Variants in ROBO4 observed in about 807,000 individuals in gnomAD.
ROBO4 encodes the protein roundabout guidance receptor 4, also known as roundabout homolog 4.
In ROBO4, 80 loss-of-function variants were observed where a neutral mutation model predicts 103.3. The observed-to-expected ratio is 0.77, with a 90% CI of 0.65 to 0.93. The LOEUF (loss-of-function observed/expected upper bound fraction) is 0.93, where lower values mean the gene tolerates loss of function less well. Among genes scored for constraint, ROBO4 ranks in the 40% least tolerant of loss-of-function variants. ROBO4 has a pLI of 0.00. For missense variants in ROBO4, 1,333 were observed against 1,305.3 expected, an observed-to-expected ratio of 1.02 and a Z score of -0.33; for synonymous variants, 504 against 529.7, an observed-to-expected ratio of 0.95 and a Z score of 0.67.
At chr11:124,885,309 G>A (rs1019238059) in intron 16 of ROBO4, 62 bp from the exon 17 acceptor site, 3 of 1,429,006 alleles carry the variant, frequency 2.1e-6, no homozygotes, top group Non-Finnish European at 2.9e-6. Context: ...GGCCAGTTTA[G>A]TACAGAAAGC....
In ROBO4 at chr11:124,887,050, C is replaced by G. The variant is rs1261153854; in HGVS notation, c.2362G>C (p.Asp788His). ...SSSSLSSLGE[D>H]QDSVLTPEEV... ...TCAGGGGTCAGCACGCTGTCTTGAT[C>G]CTCCCCCAGGGATGACAGTGAGGAG... The change falls in exon 15 of 18, where the codon GAT (aspartate) becomes CAT (histidine). Residue 788 changes from aspartate (D) to histidine (H), a missense_variant. By Grantham distance (81) the Asp-to-His change is moderately conservative (BLOSUM62 -1). Transcript: ENST00000306534. 3 of 1,613,790 alleles carry G rather than the reference C, an allele frequency of 1.9e-6. No individual in the cohort carries two copies. Among genetic ancestry groups the G allele is most frequent in the Non-Finnish European group, 2.5e-6 (3 of 1,179,912 alleles).
At chr11:124,887,937 G>T (rs574752013) in intron 12 of ROBO4, 97 bp from the exon 13 acceptor site, 31 of 950,778 alleles carry the variant, frequency 3.3e-5, no homozygotes, top group Non-Finnish European at 3.9e-5. Context: ...CAGCCTGCAC[G>T]ACCCTGAACC....
At position 124,887,441 on chromosome 11, in the gene ROBO4, G is replaced by A; in HGVS notation, c.2115C>T (p.Ser705=). The stretch of plus-strand genomic sequence containing the variant: ...GATGACGAGTAACCAGCTCATTTGA[G>A]GAGCTGAGGAGTTTCGGTCCCAGGG... ...WRALGPKLLS[S]SNELVTRHLP... Residue 705 remains serine, a synonymous_variant, in exon 14 of 18, where the codon TCC becomes TCT. Coordinates refer to ENST00000306534, the MANE Select transcript of ROBO4 (RefSeq NM_019055.6). 1.9e-6 allele frequency: 3 copies of A among 1,614,040 alleles called. No homozygotes were observed. The highest frequency in any genetic ancestry group is 1.1e-5 in the South Asian group (1 of 91,086).
At position 124,886,409 on chromosome 11, in the gene ROBO4, T is replaced by C. The variant is rs772553672; in HGVS notation, c.2794+55A>G. 81 of 1,339,320 alleles carry C rather than the reference T, an allele frequency of 6.0e-5. 1 individual carries two copies. The highest frequency in any genetic ancestry group is 8.5e-5 in the Non-Finnish European group (81 of 955,998). 83.0% of individuals were successfully genotyped at this position (1,339,320 alleles called of 1,614,324 possible). A position where few individuals can be genotyped will look rare whatever the true frequency, so the allele number is the denominator to read the frequency against. Reference sequence around the variant, plus strand: ...TTTAACAATGATGACATGATAACAGTTGTTAGAAAGGCAAGGGGCATGAGT... The same window carrying C: ...TTTAACAATGATGACATGATAACAGCTGTTAGAAAGGCAAGGGGCATGAGT... On this transcript the variant is annotated intron_variant, in intron 16 of 17. Coordinates refer to ENST00000306534, the MANE Select transcript of ROBO4 (RefSeq NM_019055.6).
In ROBO4 at chr11:124,889,616, A is replaced by G. The variant is rs183177262; in HGVS notation, c.1948+1683T>C. Among the ~76,000 whole-genome samples, 343 of 152,328 alleles carry G rather than the reference A, an allele frequency of 2.3e-3. 1 individual carries two copies. Among genetic ancestry groups the G allele is most frequent in the African/African-American group, 7.9e-3 (330 of 41,570 alleles). On this transcript the variant is annotated intron_variant, in intron 12 of 17. Transcript: ENST00000306534. ...TTCAGTGCATATATCTGGCAAACTG[A>G]GCAGAACTAAGAACCTGCTATGATG...
chr11:124,892,400 G>A lies in ROBO4; in HGVS notation c.1548-598C>T, dbSNP rs376319363. ...ATGGCCCCTCATTTACCATGATAGA[G>A]CCCAGGTACCTAGCATGGCTAAGAG... On this transcript the variant is annotated intron_variant, in intron 10 of 17. Coordinates refer to ENST00000306534, the MANE Select transcript of ROBO4 (RefSeq NM_019055.6). 2.1e-5 allele frequency: 5 copies of A among 240,790 alleles called. No homozygotes were observed. The East Asian group carries it at 5.2e-4, about 25-fold the overall frequency. The allele number at this position is 240,790 out of a possible 1,614,324, so 14.9% of individuals were successfully genotyped here.
intron 16 of ROBO4, among the ~76,000 whole-genome samples, chr11:124,885,802 G>A (rs1946702172): frequency 6.6e-6 from 1 of 152,200 alleles, no homozygotes; most frequent in Admixed American, 6.5e-5. Context: ...GGGATTGGAA[G>A]AGGATGGAGC....
chr11:124,891,778 C>T lies in ROBO4; in HGVS notation c.1572G>A (p.Trp524Ter). 8 of 1,614,136 alleles carry T rather than the reference C, an allele frequency of 5.0e-6. No homozygotes were observed. Among genetic ancestry groups the T allele is most frequent in the Non-Finnish European group, 6.8e-6 (8 of 1,180,024 alleles). Residue 524 changes from tryptophan to a stop codon, truncating the protein, a stop_gained, in exon 11 of 18, where the codon TGG (tryptophan) becomes TGA (stop). Transcript: ENST00000306534. LOFTEE classifies it high-confidence loss of function. ...KHRMDHSDSQ[W>*]LADTWRSTSG... ...AGGTGGAACGCCAAGTGTCTGCCAACCACTGGGAGTCACTGTGATCCATCC... is the reference window on the plus strand; with the variant it reads ...AGGTGGAACGCCAAGTGTCTGCCAATCACTGGGAGTCACTGTGATCCATCC...
At chr11:124,894,973 C>T (rs539213676) in intron 7 of ROBO4, 108 bp downstream of exon 7, 1 of 856,810 alleles carries the variant, frequency 1.2e-6, no homozygotes, top group East Asian at 2.6e-5. Context: ...TCCTTTGCTT[C>T]TCTGCCCAGG....
chr11:124,892,273 G>T, intron 10 of ROBO4: 1 of 345,788 alleles, frequency 2.9e-6, no homozygotes, highest in South Asian at 2.3e-5. Flanking sequence ...TCACTCAGCT[G>T]GCAGAGCAGG....
rs777639467 is a variant in ROBO4 at position 124,893,889 on chromosome 11, C to T, written c.1475G>A (p.Arg492Gln). ...GCCCAGGTGCACCCTAGCTCGGCGC[C>T]GGCGGTGGATACACACGGCGGTGCC... The part of the protein sequence containing the change: ...LLGTAVCIHR[R>Q]RRARVHLGPG... Residue 492 changes from arginine (R) to glutamine (Q), a missense_variant, in exon 9 of 18, where the codon CGG becomes CAG. Transcript: ENST00000306534. The T allele has an allele frequency of 3.7e-5, 59 of 1,612,610 alleles. 1 individual carries two copies. The highest frequency in any genetic ancestry group is 6.7e-5 in the Admixed American group (4 of 59,934).
At chr11:124,892,393 T>C (rs1402986422) in intron 10 of ROBO4, 7 of 252,292 alleles carry the variant, frequency 2.8e-5, no homozygotes, top group Non-Finnish European at 4.7e-5. Context: ...TCATTTACCA[T>C]GATAGAGCCC....
At chr11:124,892,689 AT>A (rs201438138) in intron 10 of ROBO4, 496 of 153,210 alleles carry the variant, frequency 3.2e-3, no homozygotes, top group Admixed American at 5.8e-3. Context: ...TTGCACTCAT[AT>A]CCCCTCATGC....
rs370414211 is a variant in ROBO4 at position 124,891,674 on chromosome 11, C to G, written c.1676G>C (p.Arg559Pro). Residue 559 changes from arginine to proline, a missense_variant, in exon 11 of 18, where the codon CGT (arginine) becomes CCT (proline). Arg to Pro is a moderately radical substitution (Grantham distance 103). Coordinates refer to ENST00000306534, the MANE Select transcript of ROBO4 (RefSeq NM_019055.6). ...GADARDPLDC[R>P]RSLLSWDSRS... ...CCACTGAGCATGCTCACAGGAGCGA[C>G]GACAGTCTAGTGGGTCCCGGGCATC... The G allele has an allele frequency of 5.2e-5, 84 of 1,614,046 alleles. No individual in the cohort carries two copies. The highest frequency in any genetic ancestry group is 8.3e-5 in the Admixed American group (5 of 60,006).
intron 10 of ROBO4, chr11:124,892,982 G>A (rs952051061): frequency 6.5e-6 from 1 of 152,834 alleles, no homozygotes; most frequent in Non-Finnish European, 1.5e-5. Flanking sequence ...CTGGCACATA[G>A]TAGGTGCTCA....
At position 124,887,207 on chromosome 11, in the gene ROBO4, C is replaced by T. The variant is rs757172728; in HGVS notation, c.2205G>A (p.Pro735=). Residue 735 remains proline (P), a synonymous_variant, in exon 15 of 18, where the codon CCG becomes CCA. Transcript: ENST00000306534. Reference sequence around the variant, plus strand: ...TGGAGGAGGGAGCCTGTGGTGCCACCGGAGGCCTGATTTGCGGGAGAGAGT... The same window carrying T: ...TGGAGGAGGGAGCCTGTGGTGCCACTGGAGGCCTGATTTGCGGGAGAGAGT... The part of the protein sequence containing the change: ...PPTQSQQTQP[P]VAPQAPSSIL... 2.6e-5 allele frequency: 42 copies of T among 1,591,104 alleles called. No individual in the cohort carries two copies. The highest frequency in any genetic ancestry group is 9.2e-5 in the South Asian group (8 of 87,404).
chr11:124,886,447 G>T lies in ROBO4; in HGVS notation c.2794+17C>A. ...AAGGGGCATGAGTGAGGAGTAAGAT[G>T]GGGAGACCTCACATACCTATGAAGA... is the stretch of plus-strand genomic sequence containing the variant. On this transcript the variant is annotated intron_variant, in intron 16 of 17. Coordinates refer to ENST00000306534, the MANE Select transcript of ROBO4 (RefSeq NM_019055.6). 1.3e-6 allele frequency: 2 copies of T among 1,581,920 alleles called. No individual in the cohort carries two copies. The highest frequency in any genetic ancestry group is 1.1e-5 in the South Asian group (1 of 89,630).
At position 124,887,128 on chromosome 11, in the gene ROBO4, G is replaced by A. The variant is rs201709599; in HGVS notation, c.2284C>T (p.Pro762Ser). 1.1e-5 allele frequency: 17 copies of A among 1,613,554 alleles called. No homozygotes were observed. Among genetic ancestry groups the A allele is most frequent in the Non-Finnish European group, 1.4e-5 (17 of 1,179,712 alleles). The change falls in exon 15 of 18, where the codon CCC becomes TCC. Residue 762 changes from proline to serine, a missense_variant. Pro to Ser is a moderately conservative substitution (Grantham distance 74, BLOSUM62 -1). Coordinates refer to ENST00000306534, the MANE Select transcript of ROBO4 (RefSeq NM_019055.6). ...GGGCCAGAGAGGGAAGAGGCCTGGG[G>A]GCTAGGGGGACTGCAGGGGCTAAGG... The part of the protein sequence containing the change: ...PILSPCSPPS[P>S]QASSLSGPSP...
rs971098214 is a variant in ROBO4, at chr11:124,897,349, C to T, written c.71-88G>A. ...CCCCTCATCTGTCTTCTCTTGTGTG[C>T]GAGTTTGCCAGAAAACCTGTAATCT... is the stretch of plus-strand genomic sequence containing the variant. On this transcript the variant is annotated intron_variant, in intron 1 of 17. Coordinates refer to ENST00000306534, the MANE Select transcript of ROBO4 (RefSeq NM_019055.6). The T allele has an allele frequency of 1.8e-5, 19 of 1,045,178 alleles. No homozygotes were observed. The East Asian group carries it at 2.7e-4, about 15-fold the overall frequency. The allele number at this position is 1,045,178 out of a possible 1,614,324, so 64.7% of individuals were successfully genotyped here. A position where few individuals can be genotyped will look rare whatever the true frequency, so the allele number is the denominator to read the frequency against.
Sources: gnomAD v4.1 joint callset for allele counts (sites outside exome capture counted in the v4.1 genomes callset) on GRCh38, gnomAD v4.1.1 for gene constraint, MANE v1.5 for transcripts, NCBI Gene and HGNC (gene_info 2026-07-23, HGNC 2026-07-21) for gene names.